The following BCAT1 variants were observed in gnomAD, a reference collection of about 807,000 sequenced individuals.
The protein encoded by BCAT1 is branched chain amino acid transaminase 1, also known as branched-chain-amino-acid aminotransferase, cytosolic.
Under a neutral mutation model 52.4 loss-of-function variants are expected in BCAT1, and 48 were observed. The ratio of observed to expected loss-of-function variants is 0.92; its 90% CI spans 0.73 to 1.16. BCAT1 has a LOEUF of 1.16. Ranked by LOEUF, BCAT1 falls within the 50% of genes most tolerant of loss-of-function variation. BCAT1 has a pLI of 0.00. For synonymous variants in BCAT1, 167 were observed against 161.3 expected (o/e 1.04, Z -0.27); for missense variants, 451 against 457.1 (o/e 0.99, Z 0.12).
intron 8 of BCAT1, among the ~76,000 whole-genome samples, chr12:24,835,199 C>T (rs561541892): frequency 3.3e-5 from 5 of 152,322 alleles, no homozygotes; most frequent in Admixed American, 6.5e-5. Context: ...ATTATACCAA[C>T]GGTTTGTAAA....
rs746028548 is a variant in BCAT1 at position 24,842,210 on chromosome 12, G to C, written c.689C>G (p.Ser230Cys). The C allele has an allele frequency of 6.2e-7, 1 of 1,613,872 alleles. No homozygotes were observed. Among genetic ancestry groups the C allele is most frequent in the African/African-American group, 1.3e-5 (1 of 75,040 alleles). The change falls in exon 7 of 11, where the codon TCT (serine) becomes TGT (cysteine). Residue 230 changes from serine (S) to cysteine (C), a missense_variant. Transcript: ENST00000261192. ...DCKMGGNYGS[S>C]LFAQCEAVDN... Reference sequence around the variant, plus strand: ...TACTGCTTCACATTGGGCAAAAAGAGATGAGCCGTAATTCCTTTAAGAAAG... The same window carrying C: ...TACTGCTTCACATTGGGCAAAAAGACATGAGCCGTAATTCCTTTAAGAAAG...
In BCAT1 at chr12:24,832,684, G is replaced by T. The variant is rs747835948; in HGVS notation, c.1044+39C>A. On this transcript the variant is annotated intron_variant, in intron 9 of 10. Coordinates refer to ENST00000261192, the MANE Select transcript of BCAT1 (RefSeq NM_005504.7). ...ACTTAAATTAAATGTAATTTAATGT[G>T]ATTGGAAATGATAGGAAATGAGGAA... is the stretch of plus-strand genomic sequence containing the variant. 11 of 1,559,250 alleles carry T rather than the reference G, an allele frequency of 7.1e-6. No homozygotes were observed. The Admixed American group carries it at 2.1e-4, about 29-fold the overall frequency.
intron 10 of BCAT1, among the ~76,000 whole-genome samples, chr12:24,820,976 G>A (rs1410808018): frequency 2.6e-5 from 4 of 152,278 alleles, no homozygotes; most frequent in East Asian, 3.9e-4. Flanking sequence ...TTGAAAGGCT[G>A]TGCAAAGCTT....
At chr12:24,919,698 G>A (rs148813026) in intron 1 of BCAT1, among the ~76,000 whole-genome samples, 1 of 152,280 alleles carries the variant, frequency 6.6e-6, no homozygotes, top group East Asian at 1.9e-4. Flanking sequence ...AGCTTTGCAA[G>A]GTTTGTCTAA....
At chr12:24,888,870 G>A (rs1942759394) in intron 3 of BCAT1, among the ~76,000 whole-genome samples, 1 of 152,190 alleles carries the variant, frequency 6.6e-6, no homozygotes, top group African/African-American at 2.4e-5. Flanking sequence ...ATCCACAGCT[G>A]CGTCAATCAT....
chr12:24,862,504 C>T (rs1387151353), intron 5 of BCAT1, among the ~76,000 whole-genome samples: 1 of 152,214 alleles, frequency 6.6e-6, no homozygotes, highest in Non-Finnish European at 1.5e-5. Context: ...TTCGTGTCCT[C>T]TGCTTCACCT....
chr12:24,887,111 A>ATATATATATATATATATATATATAT (rs1942702628), intron 3 of BCAT1, among the ~76,000 whole-genome samples: 2 of 127,224 alleles, frequency 1.6e-5, no homozygotes, highest in African/African-American at 5.8e-5. Context: ...ATATATATAT[A>ATATATATATATATATATATATATAT]AAGCTGATAA....
chr12:24,884,873 A>G (rs930721193), intron 3 of BCAT1, among the ~76,000 whole-genome samples: 1 of 152,228 alleles, frequency 6.6e-6, no homozygotes, highest in Admixed American at 6.5e-5. Context: ...TAGCAGATGT[A>G]TCTGATAAAA....
chr12:24,873,821 A>T (rs1156888607), intron 5 of BCAT1, among the ~76,000 whole-genome samples: 2 of 152,140 alleles, frequency 1.3e-5, no homozygotes, highest in Non-Finnish European at 1.5e-5. Context: ...ATTTCCATGC[A>T]CTGGTAGCCT....
intron 4 of BCAT1, 109 bp from the exon 5 acceptor site, chr12:24,878,758 C>G: frequency 9.3e-7 from 1 of 1,077,974 alleles, no homozygotes; most frequent in Non-Finnish European, 1.3e-6. Flanking sequence ...AATCCCAACA[C>G]AAAAAAATAA....
chr12:24,827,668 C>T (rs1418456056), intron 10 of BCAT1, among the ~76,000 whole-genome samples: 3 of 152,052 alleles, frequency 2.0e-5, no homozygotes, highest in Admixed American at 6.5e-5. Context: ...GGTGCATGCC[C>T]ATAATCCCTG....
chr12:24,824,268 TTCCC>T (rs1001701460), intron 10 of BCAT1, among the ~76,000 whole-genome samples: 50 of 144,606 alleles, frequency 3.5e-4, no homozygotes, highest in South Asian at 1.4e-3. Context: ...CCTTCCTTCA[TTCCC>T]TCCCTCCCTC....
intron 10 of BCAT1, among the ~76,000 whole-genome samples, chr12:24,821,731 A>G (rs1356408974): frequency 6.6e-6 from 1 of 152,224 alleles, no homozygotes; most frequent in Non-Finnish European, 1.5e-5. Flanking sequence ...CGATTCAAAC[A>G]GCCCCAGAGC....
intron 1 of BCAT1, chr12:24,902,991 G>A (rs1403923161): frequency 3.4e-6 from 5 of 1,467,522 alleles, no homozygotes; most frequent in Non-Finnish European, 4.5e-6. Flanking sequence ...CTGGCCATGG[G>A]GAGGCTGCGG....
At chr12:24,856,300 C>T (rs1007731998) in intron 5 of BCAT1, among the ~76,000 whole-genome samples, 1 of 152,180 alleles carries the variant, frequency 6.6e-6, no homozygotes. Context: ...CCTTCCATTG[C>T]TCCTCACTTT....
chr12:24,921,173 T>G (rs1299218850), intron 1 of BCAT1, among the ~76,000 whole-genome samples: 1 of 152,174 alleles, frequency 6.6e-6, no homozygotes, highest in African/African-American at 2.4e-5. Context: ...ATTAAACCAC[T>G]GGCCATTGGT....
intron 5 of BCAT1, among the ~76,000 whole-genome samples, chr12:24,860,322 C>A (rs1252399372): frequency 6.6e-6 from 1 of 152,104 alleles, no homozygotes; most frequent in Non-Finnish European, 1.5e-5. Context: ...AATAAAAGAA[C>A]AAAATAACCT....
chr12:24,826,656 T>C (rs1940410233), intron 10 of BCAT1, among the ~76,000 whole-genome samples: 1 of 152,212 alleles, frequency 6.6e-6, no homozygotes. Context: ...AGGATTGTTT[T>C]TTCTATTTCT....
At chr12:24,866,247 T>TC (rs1942003383) in intron 5 of BCAT1, among the ~76,000 whole-genome samples, 1 of 151,960 alleles carries the variant, frequency 6.6e-6, no homozygotes, top group African/African-American at 2.4e-5. Flanking sequence ...GTGCACCGGG[T>TC]CCCCCAGCAG....
Sources: gnomAD v4.1 joint callset for allele counts (sites outside exome capture counted in the v4.1 genomes callset) on GRCh38, gnomAD v4.1.1 for gene constraint, MANE v1.5 for transcripts, NCBI Gene and HGNC (gene_info 2026-07-23, HGNC 2026-07-21) for gene names.